AGBL4: variants seen among roughly 807,000 people sequenced by gnomAD.
AGBL4 encodes AGBL carboxypeptidase 4, also known as cytosolic carboxypeptidase 6.
In AGBL4, 58 loss-of-function variants were observed where a neutral mutation model predicts 66.4. The ratio of observed to expected loss-of-function variants is 0.87; its 90% CI spans 0.71 to 1.09. AGBL4 has a LOEUF of 1.09. Ranked by LOEUF, AGBL4 falls within the 50% of genes least tolerant of loss-of-function variation. AGBL4 has a pLI of 0.00. For missense variants in AGBL4, 579 were observed against 631.0 expected (o/e 0.92, Z 0.88); for synonymous variants, 234 against 222.9 (o/e 1.05, Z -0.44).
At position 48,539,648 on chromosome 1, in the gene AGBL4, C is replaced by G. The variant is rs1644031345; in HGVS notation, c.1358G>C (p.Arg453Thr). The G allele has an allele frequency of 6.5e-7, 1 of 1,539,816 alleles. No individual in the cohort carries two copies. Among genetic ancestry groups the G allele is most frequent in the Non-Finnish European group, 8.8e-7 (1 of 1,139,790 alleles). The change falls in exon 12 of 14, where the codon AGA becomes ACA. Residue 453 changes from arginine (R) to threonine (T), a missense_variant. By Grantham distance (71) the Arg-to-Thr change is moderately conservative. Coordinates refer to ENST00000371839, the MANE Select transcript of AGBL4 (RefSeq NM_032785.4). The part of the protein sequence containing the change: ...VVEKVAIPMP[R>T]LRNKEIEVQR... ...TCTCTGCTCTGCCACTTACCGCAGT[C>G]TCGGCATGGGAATTGCCACCTTTTC... is the stretch of plus-strand genomic sequence containing the variant.
At chr1:49,097,783 G>T (rs1160108165) in intron 4 of AGBL4, among the ~76,000 whole-genome samples, 1 of 152,188 alleles carries the variant, frequency 6.6e-6, no homozygotes. Flanking sequence ...GTTTCGCCAT[G>T]TTGGCCAGGC....
At chr1:49,874,895 T>TC (rs1646940593) in intron 1 of AGBL4, among the ~76,000 whole-genome samples, 1 of 151,618 alleles carries the variant, frequency 6.6e-6, no homozygotes, top group Non-Finnish European at 1.5e-5. Context: ...TACATATGTA[T>TC]ACATGTGACA....
chr1:48,674,988 A>G (rs1646341701), intron 6 of AGBL4, among the ~76,000 whole-genome samples: 1 of 152,172 alleles, frequency 6.6e-6, no homozygotes, highest in Non-Finnish European at 1.5e-5. Flanking sequence ...TTTTGGGGGC[A>G]GAAGCCCTGT....
intron 6 of AGBL4, among the ~76,000 whole-genome samples, chr1:48,801,435 C>T (rs6689486): frequency 0.072 from 10,892 of 152,228 alleles, 524 homozygotes; most frequent in East Asian, 0.17. Flanking sequence ...GTGACCCCTC[C>T]CTAGTTTCTC....
intron 1 of AGBL4, among the ~76,000 whole-genome samples, chr1:49,976,766 A>C (rs1658590458): frequency 6.6e-6 from 1 of 152,176 alleles, no homozygotes; most frequent in South Asian, 2.1e-4. Flanking sequence ...ACATATATAC[A>C]TAGTTTTAAA....
At chr1:48,752,187 T>C (rs1040027113) in intron 6 of AGBL4, among the ~76,000 whole-genome samples, 1 of 152,204 alleles carries the variant, frequency 6.6e-6, no homozygotes, top group African/African-American at 2.4e-5. Flanking sequence ...CCACCCGCTT[T>C]GGGCCTTTCT....
intron 5 of AGBL4, among the ~76,000 whole-genome samples, chr1:48,930,940 T>G (rs1654988497): frequency 6.6e-6 from 1 of 152,178 alleles, no homozygotes; most frequent in South Asian, 2.1e-4. Context: ...ATGTGGGATA[T>G]CAACAATAAC....
chr1:48,638,701 G>A (rs773607806), intron 8 of AGBL4, among the ~76,000 whole-genome samples: 6 of 152,280 alleles, frequency 3.9e-5, no homozygotes, highest in East Asian at 3.9e-4. Flanking sequence ...TGTTGAGTCC[G>A]CTTCTCCACT....
In AGBL4 at chr1:48,954,211, G is replaced by C. The variant is rs1657241455; in HGVS notation, c.595-86981C>G. 3.3e-5 allele frequency among the ~76,000 whole-genome samples: 5 copies of C among 152,106 alleles called. No individual in the cohort carries two copies. In the South Asian group the frequency reaches 8.3e-4, roughly 25 times the overall value. On this transcript the variant is annotated intron_variant, in intron 5 of 13. Transcript: ENST00000371839. ...TGAATCCCGGAAGACTTGAAAACCG[G>C]TCAAGAACTTACCAAAACTGTTCCA...
At chr1:49,440,862 TGAAGCTGGGGACACTGA>T (rs1381735220) in intron 3 of AGBL4, among the ~76,000 whole-genome samples, 23 of 152,258 alleles carry the variant, frequency 1.5e-4, no homozygotes, top group African/African-American at 5.5e-4. Context: ...AGGACCCTGA[TGAAGCTGGGGACACTGA>T]GTTTGTAAAC....
At chr1:49,845,421 C>T in intron 2 of AGBL4, 2 of 1,412,246 alleles carry the variant, frequency 1.4e-6, no homozygotes, top group African/African-American at 1.4e-5. Flanking sequence ...ATGAGTGCAA[C>T]AAGTGTGGGA....
chr1:49,945,685 A>G (rs1024081887), intron 1 of AGBL4, among the ~76,000 whole-genome samples: 4 of 152,116 alleles, frequency 2.6e-5, no homozygotes, highest in Admixed American at 6.6e-5. Context: ...AACAAATAGT[A>G]TGATGAATGG....
At chr1:49,370,938 C>A (rs1273350321) in intron 3 of AGBL4, among the ~76,000 whole-genome samples, 6 of 152,068 alleles carry the variant, frequency 3.9e-5, no homozygotes, top group African/African-American at 1.4e-4. Flanking sequence ...GGGCCTCATC[C>A]AATCAGTTGA....
At chr1:48,567,574 T>C (rs547271425) in intron 11 of AGBL4, among the ~76,000 whole-genome samples, 1 of 152,330 alleles carries the variant, frequency 6.6e-6, no homozygotes, top group African/African-American at 2.4e-5. Flanking sequence ...ATTCATCCCA[T>C]TGCTTTTTGT....
At chr1:49,846,251 G>T in intron 2 of AGBL4, 1 of 1,467,472 alleles carries the variant, frequency 6.8e-7, no homozygotes, top group Non-Finnish European at 9.5e-7. Context: ...TGAGTGTCAC[G>T]ATTGTGGAAA....
chr1:48,855,695 T>G (rs1647132764), intron 6 of AGBL4, among the ~76,000 whole-genome samples: 1 of 152,086 alleles, frequency 6.6e-6, no homozygotes, highest in Admixed American at 6.6e-5. Flanking sequence ...AAATTTATGG[T>G]AGAGTTATTT....
intron 3 of AGBL4, among the ~76,000 whole-genome samples, chr1:49,324,366 C>T (rs944455995): frequency 2.0e-5 from 3 of 152,158 alleles, no homozygotes; most frequent in Non-Finnish European, 4.4e-5. Context: ...AATAATTATC[C>T]AACAGAGCTT....
chr1:48,626,142 T>G (rs1276161686), intron 9 of AGBL4, among the ~76,000 whole-genome samples: 2 of 152,206 alleles, frequency 1.3e-5, no homozygotes, highest in African/African-American at 2.4e-5. Context: ...GGAAAACTGT[T>G]TGAGCAGACC....
chr1:49,698,532 A>G (rs994046973), intron 2 of AGBL4, among the ~76,000 whole-genome samples: 7 of 152,034 alleles, frequency 4.6e-5, no homozygotes, highest in Non-Finnish European at 1.0e-4. Flanking sequence ...AACTTACCCA[A>G]AGTTATACAG....
Sources: gnomAD v4.1 joint callset for allele counts (sites outside exome capture counted in the v4.1 genomes callset) on GRCh38, gnomAD v4.1.1 for gene constraint, MANE v1.5 for transcripts, NCBI Gene and HGNC (gene_info 2026-07-23, HGNC 2026-07-21) for gene names.